The following DMD variants were observed in gnomAD, a reference collection of about 807,000 sequenced individuals.
The protein encoded by DMD is mutant dystrophin.
DMD carries 63 observed loss-of-function variants against 330.1 expected under a neutral mutation model. The ratio of observed to expected loss-of-function variants is 0.19; its 90% confidence interval spans 0.16 to 0.24. DMD has a LOEUF of 0.24. Ranked by LOEUF, DMD falls within the 10% of genes least tolerant of loss-of-function variation. DMD has a pLI of 1.00. For synonymous variants in DMD, 1,223 were observed against 959.8 expected (o/e 1.27, Z -5.07); for missense variants, 3,344 against 2,684.1 (o/e 1.25, Z -5.43).
intron 44 of DMD, among the ~76,000 whole-genome samples, chrX:32,095,300 T>C (rs2148037017): frequency 8.9e-6 from 1 of 112,096 alleles, no homozygotes; most frequent in Admixed American, 9.5e-5. Context: ...ATAGAAAATA[T>C]CTCGTTATCC....
chrX:32,859,684 A>G (rs898327593), intron 2 of DMD, among the ~76,000 whole-genome samples: 7 of 111,567 alleles, frequency 6.3e-5, no homozygotes, highest in African/African-American at 2.3e-4. Flanking sequence ...GGATGCACTT[A>G]GAAACTTGCT....
At chrX:32,412,199 A>T (rs1373480082) in intron 29 of DMD, 1 of 1,066,879 alleles carries the variant, frequency 9.4e-7, no homozygotes, top group Admixed American at 2.5e-5. Flanking sequence ...TAGCAAAATC[A>T]TCTCAGTCAT....
At chrX:31,481,785 G>T (rs1338898205) in intron 57 of DMD, among the ~76,000 whole-genome samples, 1 of 111,364 alleles carries the variant, frequency 9.0e-6, no homozygotes. Context: ...AGAAAGACTG[G>T]AGTGGGTATC....
intron 34 of DMD, among the ~76,000 whole-genome samples, chrX:32,367,158 G>C (rs906878009): frequency 1.8e-5 from 2 of 111,815 alleles, no homozygotes; most frequent in Non-Finnish European, 3.8e-5. Flanking sequence ...CTTAACTTCA[G>C]AGTAGACATA....
intron 4 of DMD, among the ~76,000 whole-genome samples, chrX:32,841,973 G>A (rs1248282388): frequency 3.6e-5 from 4 of 112,099 alleles, no homozygotes; most frequent in Non-Finnish European, 7.5e-5. Flanking sequence ...ACTCAATTTT[G>A]ATGAAGTCCA....
chrX:31,370,834 A>G (rs1401217435), intron 60 of DMD, among the ~76,000 whole-genome samples: 1 of 112,405 alleles, frequency 8.9e-6, no homozygotes, highest in Admixed American at 9.5e-5. Context: ...AAACCATAGC[A>G]TACAACTCAC....
At chrX:32,560,457 G>C (rs2050862326) in intron 16 of DMD, among the ~76,000 whole-genome samples, 1 of 110,171 alleles carries the variant, frequency 9.1e-6, no homozygotes, top group African/African-American at 3.3e-5. Context: ...ATTTTTTTAA[G>C]TTCCAGGGTA....
At chrX:31,492,138 T>A (rs756688863) in intron 57 of DMD, among the ~76,000 whole-genome samples, 9 of 112,084 alleles carry the variant, frequency 8.0e-5, no homozygotes, top group Non-Finnish European at 1.5e-4. Flanking sequence ...CAAACAACAA[T>A]TAAATCAAGA....
intron 60 of DMD, among the ~76,000 whole-genome samples, chrX:31,351,159 T>TACACACACACACAC (rs3061695): frequency 5.7e-5 from 6 of 105,094 alleles, no homozygotes; most frequent in East Asian, 3.1e-4. Flanking sequence ...CATACATATA[T>TACACACACACACAC]ACACACACAC....
intron 55 of DMD, among the ~76,000 whole-genome samples, chrX:31,522,671 T>C (rs1425176184): frequency 1.8e-5 from 2 of 109,356 alleles, no homozygotes; most frequent in African/African-American, 6.7e-5. Context: ...GGGAGGCAAG[T>C]TGGGTTTCTG....
At chrX:31,444,736 A>G in intron 59 of DMD, 109 bp from the exon 60 acceptor site, 2 of 858,274 alleles carry the variant, frequency 2.3e-6, no homozygotes, top group Non-Finnish European at 3.4e-6. Context: ...TGTTTGCTCT[A>G]TGCTACGGTT....
intron 51 of DMD, among the ~76,000 whole-genome samples, chrX:31,759,285 CAA>C (rs34439135): frequency 0.28 from 24,888 of 87,440 alleles, 2,372 homozygotes; most frequent in East Asian, 0.41. Context: ...AAATAATTGA[CAA>C]AAAAAAAAAA....
chrX:32,657,702 T>C lies in DMD; in HGVS notation c.961-12550A>G, dbSNP rs774830444. On this transcript the variant is annotated intron_variant, in intron 9 of 78. Transcript: ENST00000357033. The stretch of plus-strand genomic sequence containing the variant: ...GGTTGGAATTCATATGAGTTGGTAA[T>C]TGAAACGAGATTTTGTAAAAGTACT... 6.2e-5 allele frequency among the ~76,000 whole-genome samples: 7 copies of C among 112,286 alleles called. No individual in the cohort carries two copies. The South Asian group carries it at 1.5e-3, about 23-fold the overall frequency.
intron 2 of DMD, among the ~76,000 whole-genome samples, chrX:32,855,340 G>T (rs1163143344): frequency 9.0e-6 from 1 of 111,700 alleles, no homozygotes; most frequent in Non-Finnish European, 1.9e-5. Flanking sequence ...GAAACAAAGG[G>T]CATCCAGATT....
chrX:33,163,066 C>T (rs913325833), intron 1 of DMD, among the ~76,000 whole-genome samples: 4 of 111,419 alleles, frequency 3.6e-5, no homozygotes, highest in African/African-American at 1.3e-4. Context: ...TGCTATCCTG[C>T]CATGGCTTCG....
chrX:32,418,549 T>A (rs1052147088), intron 29 of DMD, among the ~76,000 whole-genome samples: 1 of 111,417 alleles, frequency 9.0e-6, no homozygotes, highest in Admixed American at 9.6e-5. Context: ...TCCTGTCAAA[T>A]GCAACAACTT....
At chrX:32,845,622 A>G (rs745346742) in intron 3 of DMD, among the ~76,000 whole-genome samples, 11 of 111,167 alleles carry the variant, frequency 9.9e-5, no homozygotes, top group Non-Finnish European at 1.7e-4. Context: ...ACCATCAACA[A>G]TGACGTTCCT....
At chrX:31,238,577 C>CT (rs1255281727) in intron 63 of DMD, among the ~76,000 whole-genome samples, 1 of 111,736 alleles carries the variant, frequency 8.9e-6, no homozygotes, top group African/African-American at 3.3e-5. Flanking sequence ...GCCCTGAGTT[C>CT]TGTATTATCA....
chrX:31,487,047 T>G (rs2146955754), intron 57 of DMD, among the ~76,000 whole-genome samples: 1 of 111,532 alleles, frequency 9.0e-6, no homozygotes, highest in Admixed American at 9.5e-5. Context: ...CCCAGTAATC[T>G]AAAGCAAATT....
Sources: allele counts gnomAD v4.1 joint callset (sites outside exome capture counted in the v4.1 genomes callset), GRCh38; gene constraint gnomAD v4.1.1; transcripts MANE v1.5; gene names NCBI Gene and HGNC (gene_info 2026-07-23, HGNC 2026-07-21).